CEP170: variants seen among roughly 807,000 people sequenced by gnomAD.
The protein encoded by CEP170 is centrosomal protein of 170 kDa.
A neutral mutation model predicts 151.9 loss-of-function variants in CEP170; 21 were observed. That is an observed-to-expected ratio of 0.14 (90% CI 0.10 to 0.20). The LOEUF is 0.20. Among genes scored for constraint, CEP170 ranks in the 10% least tolerant of loss-of-function variants. The pLI is 1.00. For missense variants in CEP170, 964 were observed against 1,892.9 expected, an observed-to-expected ratio of 0.51 and a Z score of 9.11; for synonymous variants, 356 against 648.8, an observed-to-expected ratio of 0.55 and a Z score of 6.86.
chr1:243,249,268 A>T (rs1464160937), intron 1 of CEP170, among the ~76,000 whole-genome samples: 3 of 152,060 alleles, frequency 2.0e-5, no homozygotes, highest in Non-Finnish European at 4.4e-5. Flanking sequence ...TCTACAAAAA[A>T]TTAGCTGGGC....
chr1:243,176,937 G>A (rs1375603159), intron 10 of CEP170: 34 of 330,104 alleles, frequency 1.0e-4, no homozygotes, highest in Non-Finnish European at 2.4e-5. Context: ...TAACAAACTC[G>A]TACAATACAA....
chr1:243,171,494 A>AT (rs1023469758), intron 11 of CEP170, among the ~76,000 whole-genome samples: 63 of 151,338 alleles, frequency 4.2e-4, no homozygotes, highest in Admixed American at 2.0e-3. Context: ...TTTATTTCCT[A>AT]TTTTCTATTA....
At chr1:243,216,348 C>A (rs1488550850) in intron 3 of CEP170, among the ~76,000 whole-genome samples, 1 of 150,364 alleles carries the variant, frequency 6.7e-6, no homozygotes, top group African/African-American at 2.5e-5. Context: ...GCTATCCCTG[C>A]CCCCCTCCCC....
intron 16 of CEP170, among the ~76,000 whole-genome samples, chr1:243,138,039 G>A (rs970946503): frequency 3.3e-5 from 5 of 151,840 alleles, no homozygotes; most frequent in African/African-American, 1.2e-4. Flanking sequence ...ATGAGAAAGG[G>A]CAGGAGAGTC....
chr1:243,135,270 G>A (rs1430073410), intron 17 of CEP170, among the ~76,000 whole-genome samples: 1 of 152,014 alleles, frequency 6.6e-6, no homozygotes, highest in Non-Finnish European at 1.5e-5. Flanking sequence ...GCAGTGGTGC[G>A]ATCTCGGCTC....
At chr1:243,180,366 T>G (rs1278041309) in intron 10 of CEP170, among the ~76,000 whole-genome samples, 1 of 152,204 alleles carries the variant, frequency 6.6e-6, no homozygotes, top group Non-Finnish European at 1.5e-5. Flanking sequence ...GGGTTTCTTA[T>G]ACCCAGGAAG....
intron 1 of CEP170, among the ~76,000 whole-genome samples, chr1:243,232,801 C>T (rs1164519199): frequency 1.3e-5 from 2 of 152,170 alleles, no homozygotes; most frequent in African/African-American, 4.8e-5. Flanking sequence ...GTCATTACTC[C>T]AGACATGGAT....
chr1:243,126,313 T>A lies in CEP170; in HGVS notation c.*136A>T, dbSNP rs1288045076. 3.3e-6 allele frequency: 3 copies of A among 896,434 alleles called. No individual in the cohort carries two copies. In the South Asian group the frequency reaches 4.7e-5, roughly 14 times the overall value. 55.5% of individuals were successfully genotyped at this position (896,434 alleles called of 1,614,324 possible). On this transcript the variant is annotated 3_prime_UTR_variant, in exon 20 of 20. Coordinates refer to ENST00000366542, the MANE Select transcript of CEP170 (RefSeq NM_014812.3). ...TACTACATTATACGTCAAAAATAAA[T>A]AAATAAAATTAAGAAGACAGGGATT...
At chr1:243,216,600 C>G (rs1032297535) in intron 3 of CEP170, among the ~76,000 whole-genome samples, 67 of 152,192 alleles carry the variant, frequency 4.4e-4, no homozygotes, top group Non-Finnish European at 8.4e-4. Context: ...TATTTCTATG[C>G]ATAAATAGCT....
intron 1 of CEP170, among the ~76,000 whole-genome samples, chr1:243,237,700 C>T (rs759945337): frequency 2.6e-5 from 4 of 152,138 alleles, no homozygotes; most frequent in Middle Eastern, 3.4e-3. Context: ...GTCAGGAGTT[C>T]GAGACCAACC....
intron 10 of CEP170, among the ~76,000 whole-genome samples, chr1:243,180,293 C>T (rs1176388769): frequency 1.3e-5 from 2 of 152,132 alleles, no homozygotes; most frequent in Admixed American, 6.5e-5. Context: ...TTATGTTAGG[C>T]GTCTGGCTGA....
chr1:243,249,993 T>C (rs1380182361), intron 1 of CEP170, among the ~76,000 whole-genome samples: 1 of 152,018 alleles, frequency 6.6e-6, no homozygotes, highest in East Asian at 1.9e-4. Flanking sequence ...ATAGCTTGAA[T>C]CCAGGAGGCA....
rs905478169 is a variant in CEP170 at position 243,250,106 on chromosome 1, AAAAC to A, written c.-42+4930_-42+4933del. On this transcript the variant is annotated intron_variant, in intron 1 of 19. Transcript: ENST00000366542. The stretch of plus-strand genomic sequence containing the variant: ...AACAAAAACAAACAAAAAGGCCCCA[AAAAC>A]AAACAAACAAAAAAAACCCATCCGA... 1.2e-4 allele frequency among the ~76,000 whole-genome samples: 18 copies of A among 152,282 alleles called. No homozygotes were observed. The South Asian group carries it at 2.9e-3, about 25-fold the overall frequency.
At chr1:243,159,763 T>TTTTGTGTGTGTGTGTGTGTGTGTGTGTG (rs1553343086) in intron 13 of CEP170, among the ~76,000 whole-genome samples, 5 of 127,076 alleles carry the variant, frequency 3.9e-5, no homozygotes, top group East Asian at 2.3e-4. Context: ...GTTTCCGGTT[T>TTTTGTGTGTGTGTGTGTGTGTGTGTGTG]TGTGTGTGTG....
rs1353348003 is a variant in CEP170 at position 243,185,151 on chromosome 1, G to A, written c.1566+628C>T. On this transcript the variant is annotated intron_variant, in intron 10 of 19. Coordinates refer to ENST00000366542, the MANE Select transcript of CEP170 (RefSeq NM_014812.3). This position sits in a 1 kb window ranked among gnomAD's most constrained non-coding sequence, Gnocchi z 4.9. The stretch of plus-strand genomic sequence containing the variant: ...AAACCATGCAACAATCCTTACACAC[G>A]CTAACCAATAATATCAAAGAATACA... 6.6e-6 allele frequency among the ~76,000 whole-genome samples: 1 copy of A among 152,094 alleles called. No individual in the cohort carries two copies. The highest frequency in any genetic ancestry group is 1.5e-5 in the Non-Finnish European group (1 of 68,016).
chr1:243,245,073 A>C (rs993252346), intron 1 of CEP170, among the ~76,000 whole-genome samples: 1 of 152,146 alleles, frequency 6.6e-6, no homozygotes, highest in South Asian at 2.1e-4. Context: ...TGAGGGAAGC[A>C]GGGTGATACA....
At chr1:243,180,636 A>C (rs2059562132) in intron 10 of CEP170, among the ~76,000 whole-genome samples, 1 of 152,038 alleles carries the variant, frequency 6.6e-6, no homozygotes, top group Non-Finnish European at 1.5e-5. Context: ...ATAGATTTTG[A>C]TTCTGGTTTA....
chr1:243,162,261 G>A (rs1374907898), intron 13 of CEP170, among the ~76,000 whole-genome samples: 1 of 152,146 alleles, frequency 6.6e-6, no homozygotes, highest in African/African-American at 2.4e-5. Context: ...CTATTTCTTA[G>A]AGCTAGAATA....
At chr1:243,232,398 C>T in intron 1 of CEP170, among the ~76,000 whole-genome samples, 1 of 152,166 alleles carries the variant, frequency 6.6e-6, no homozygotes, top group East Asian at 1.9e-4. Context: ...TGAGAAAGTA[C>T]AAAACTAACA....
Sources: gnomAD v4.1 joint callset for allele counts (sites outside exome capture counted in the v4.1 genomes callset) on GRCh38, gnomAD v4.1.1 for gene constraint, Gnocchi (gnomAD v3.1) non-coding constraint, MANE v1.5 for transcripts, NCBI Gene and HGNC (gene_info 2026-07-23, HGNC 2026-07-21) for gene names.